The following GREB1 variants were observed in gnomAD, a reference collection of about 807,000 sequenced individuals.
GREB1 encodes the protein growth regulating estrogen receptor binding 1, also known as protein GREB1.
A neutral mutation model predicts 200.7 loss-of-function variants in GREB1; 106 were observed. That is an observed-to-expected ratio of 0.53 (90% CI 0.45 to 0.62). The LOEUF (loss-of-function observed/expected upper bound fraction) is 0.62, where lower values mean the gene tolerates loss of function less well. Ranked by LOEUF, GREB1 falls within the 20% of genes least tolerant of loss-of-function variation. The pLI, the probability that GREB1 is intolerant of heterozygous loss-of-function variation, is 0.00. For missense variants in GREB1, 2,243 were observed against 2,556.8 expected (o/e 0.88, Z 2.65); for synonymous variants, 1,132 against 1,092.4 (o/e 1.04, Z -0.72).
intron 2 of GREB1, among the ~76,000 whole-genome samples, chr2:11,558,005 G>A (rs1039483014): frequency 1.3e-4 from 20 of 152,186 alleles, no homozygotes; most frequent in African/African-American, 4.8e-4. Context: ...GAAGAGCTTT[G>A]TGGCTAATTA....
At position 11,597,817 on chromosome 2, in the gene GREB1, A is replaced by C; in HGVS notation, c.1991A>C (p.Gln664Pro). Residue 664 changes from glutamine (Q) to proline (P), a missense_variant, in exon 14 of 33, where the codon CAG becomes CCG. By Grantham distance (76) the Gln-to-Pro change is moderately conservative. Coordinates refer to ENST00000381486, the MANE Select transcript of GREB1 (RefSeq NM_014668.4). This position sits in a 1 kb window ranked among gnomAD's most constrained non-coding sequence, Gnocchi z 4.1. Reference protein sequence around the residue: ...NLEPHSIRPFQLAVAQKLLSH... With the variant: ...NLEPHSIRPFPLAVAQKLLSH... ...GAGCCACACAGCATCCGGCCCTTCC[A>C]GCTGGCAGTAGCGCAGAAGCTCCTC... 4 of 1,614,222 alleles carry C rather than the reference A, an allele frequency of 2.5e-6. No individual in the cohort carries two copies. Among genetic ancestry groups the C allele is most frequent in the Non-Finnish European group, 2.5e-6 (3 of 1,180,038 alleles).
chr2:11,587,368 C>T (rs748781166), intron 9 of GREB1: 7 of 1,597,790 alleles, frequency 4.4e-6, no homozygotes, highest in South Asian at 3.3e-5. Context: ...TACCTTGCCT[C>T]TTGCCCACTG....
intron 1 of GREB1, among the ~76,000 whole-genome samples, chr2:11,497,077 G>T (rs952475916): frequency 1.3e-5 from 2 of 152,156 alleles, no homozygotes; most frequent in African/African-American, 4.8e-5. Context: ...GATTACAGAT[G>T]TGAGCCACCA....
At position 11,618,331 on chromosome 2, in the gene GREB1, C is replaced by T. The variant is rs779001713; in HGVS notation, c.3456C>T (p.Leu1152=). The change falls in exon 22 of 33, where the codon CTC becomes CTT. Residue 1152 remains leucine, a synonymous_variant. Coordinates refer to ENST00000381486, the MANE Select transcript of GREB1 (RefSeq NM_014668.4). ...GGESSAQPTA[L]PQGEHARSPQ... is the part of the protein sequence containing the mutation. ...AGTCCTCGGCTCAGCCCACAGCACT[C>T]CCCCAGGGAGAGCATGCCAGGTCGC... 1.2e-6 allele frequency: 2 copies of T among 1,602,704 alleles called. No homozygotes were observed. The highest frequency in any genetic ancestry group is 8.5e-7 in the Non-Finnish European group (1 of 1,173,814).
chr2:11,504,266 G>A (rs148664172), intron 1 of GREB1, among the ~76,000 whole-genome samples: 83 of 152,288 alleles, frequency 5.5e-4, no homozygotes, highest in African/African-American at 1.8e-3. Flanking sequence ...TCATCATGCT[G>A]CTAAGAATGG....
At chr2:11,626,382 G>A (rs913543758) in intron 24 of GREB1, among the ~76,000 whole-genome samples, 1 of 152,112 alleles carries the variant, frequency 6.6e-6, no homozygotes, top group Non-Finnish European at 1.5e-5. Context: ...GAGGTCAGGA[G>A]TTCAAGACCA....
chr2:11,556,630 G>C lies in GREB1; in HGVS notation c.16G>C (p.Ala6Pro), dbSNP rs779592613. ...CCTCTTGAAGATGGGAAATTCTTAC[G>C]CTGGACAGCTGAAGACGACACGCTT... MGNSY[A>P]GQLKTTRFEE... Residue 6 changes from alanine to proline, a missense_variant, in exon 2 of 33, where the codon GCT (alanine) becomes CCT (proline). By Grantham distance (27) the Ala-to-Pro change is conservative. Transcript: ENST00000381486. 6.2e-7 allele frequency: 1 copy of C among 1,611,276 alleles called. No homozygotes were observed. Among genetic ancestry groups the C allele is most frequent in the Non-Finnish European group, 8.5e-7 (1 of 1,178,598 alleles).
At chr2:11,543,397 A>G (rs1414232161) in intron 1 of GREB1, among the ~76,000 whole-genome samples, 5 of 152,192 alleles carry the variant, frequency 3.3e-5, no homozygotes, top group Non-Finnish European at 7.3e-5. Flanking sequence ...ACTTATTAAC[A>G]TCTATTTTAT....
intron 1 of GREB1, among the ~76,000 whole-genome samples, chr2:11,489,351 T>C (rs1013669693): frequency 6.6e-6 from 1 of 152,172 alleles, no homozygotes; most frequent in South Asian, 2.1e-4. Context: ...CCCAGCTACT[T>C]GGGAGGCTGA....
At chr2:11,491,033 C>T (rs1410535037) in intron 1 of GREB1, among the ~76,000 whole-genome samples, 1 of 152,150 alleles carries the variant, frequency 6.6e-6, no homozygotes. Context: ...TTCTCCACGT[C>T]CTTGTGCACA....
At chr2:11,626,087 C>T (rs944353974) in intron 24 of GREB1, among the ~76,000 whole-genome samples, 9 of 152,242 alleles carry the variant, frequency 5.9e-5, no homozygotes, top group Non-Finnish European at 1.3e-4. Context: ...CCTCCCACAA[C>T]ATGTAAGAAT....
At chr2:11,525,406 A>T (rs1351480235) in intron 1 of GREB1, among the ~76,000 whole-genome samples, 1 of 147,606 alleles carries the variant, frequency 6.8e-6, no homozygotes, top group African/African-American at 2.5e-5. Flanking sequence ...CTGAGGCAGG[A>T]GGATCGCTTG....
At position 11,609,747 on chromosome 2, in the gene GREB1, G is replaced by A. The variant is rs897163296; in HGVS notation, c.2667-941G>A. Among the ~76,000 whole-genome samples the A allele has an allele frequency of 4.6e-5, 7 of 152,308 alleles. No individual in the cohort carries two copies. In the South Asian group the frequency reaches 6.2e-4, roughly 14 times the overall value. On this transcript the variant is annotated intron_variant, in intron 17 of 32. Transcript: ENST00000381486. ...AGGAAGAAGGAGCAGGGATGTCATC[G>A]CAATGTCAGAAATGCTATCAAGTGC...
chr2:11,500,206 G>C (rs1235857913), intron 1 of GREB1, among the ~76,000 whole-genome samples: 1 of 152,138 alleles, frequency 6.6e-6, no homozygotes, highest in Admixed American at 6.5e-5. Flanking sequence ...CTGTTGCCCA[G>C]GCTGGAGTGC....
At chr2:11,508,572 A>C (rs926220094) in intron 1 of GREB1, among the ~76,000 whole-genome samples, 1 of 152,152 alleles carries the variant, frequency 6.6e-6, no homozygotes, top group African/African-American at 2.4e-5. Flanking sequence ...TTGCTGCTTG[A>C]ACAAGAACGT....
chr2:11,516,347 T>TGTGC (rs765137053), intron 1 of GREB1, among the ~76,000 whole-genome samples: 1 of 147,754 alleles, frequency 6.8e-6, no homozygotes, highest in Admixed American at 6.7e-5. Context: ...TGTGTGTGTG[T>TGTGC]GCACGCAATC....
chr2:11,536,186 G>C (rs1342190760), intron 1 of GREB1, among the ~76,000 whole-genome samples: 1 of 152,156 alleles, frequency 6.6e-6, no homozygotes, highest in African/African-American at 2.4e-5. Flanking sequence ...CCACACAATT[G>C]AAGAGATGCT....
At chr2:11,578,149 G>A (rs1374990258) in intron 5 of GREB1, 148 bp from the exon 6 acceptor site, 20 of 868,458 alleles carry the variant, frequency 2.3e-5, no homozygotes, top group South Asian at 7.2e-5. Flanking sequence ...CTGGCTTCAC[G>A]CTGAAACAAA....
chr2:11,522,667 G>A lies in GREB1; in HGVS notation c.-158-33790G>A, dbSNP rs565294236. ...GGAGTTCAAGTCCAAGGACACATCC[G>A]CTCTGTCTGATAAAACACTTCTGAT... On this transcript the variant is annotated intron_variant, in intron 1 of 2. Coordinates refer to the GREB1 transcript ENST00000628795. Among the ~76,000 whole-genome samples, 8 of 152,118 alleles carry A rather than the reference G, an allele frequency of 5.3e-5. No homozygotes were observed. The South Asian group carries it at 8.3e-4, about 16-fold the overall frequency.
Sources: gnomAD v4.1 joint callset for allele counts (sites outside exome capture counted in the v4.1 genomes callset) on GRCh38, gnomAD v4.1.1 for gene constraint, Gnocchi (gnomAD v3.1) non-coding constraint, MANE v1.5 for transcripts, NCBI Gene and HGNC (gene_info 2026-07-23, HGNC 2026-07-21) for gene names.